Variants in DNER observed in about 807,000 individuals in gnomAD.
The protein encoded by DNER is delta and Notch-like epidermal growth factor-related receptor.
DNER carries 33 observed loss-of-function variants against 78.2 expected under a neutral mutation model. That is an observed-to-expected ratio of 0.42 (90% CI 0.32 to 0.56). DNER has a LOEUF of 0.56. Ranked by LOEUF, DNER falls within the 20% of genes least tolerant of loss-of-function variation. The pLI, the probability that DNER is intolerant of heterozygous loss-of-function variation, is 0.11. For synonymous variants in DNER, 417 were observed against 384.8 expected (o/e 1.08, Z -0.98); for missense variants, 918 against 975.3 (o/e 0.94, Z 0.78).
At chr2:229,668,378 T>C (rs1699131512) in intron 1 of DNER, among the ~76,000 whole-genome samples, 1 of 148,498 alleles carries the variant, frequency 6.7e-6, no homozygotes, top group South Asian at 2.1e-4. Flanking sequence ...CAGCAGCTCC[T>C]AATATTTTGA....
intron 8 of DNER, among the ~76,000 whole-genome samples, chr2:229,418,554 A>T (rs1446704649): frequency 1.3e-5 from 2 of 152,156 alleles, no homozygotes; most frequent in African/African-American, 2.4e-5. Flanking sequence ...TGCTGTGGCC[A>T]TCAGAGATAG....
At chr2:229,387,501 A>AAGAG (rs1353935134) in intron 11 of DNER, among the ~76,000 whole-genome samples, 33 of 97,380 alleles carry the variant, frequency 3.4e-4, no homozygotes, top group East Asian at 2.9e-3. Context: ...GAAAGAAAGA[A>AAGAG]AGAAAGAGAG....
intron 6 of DNER, among the ~76,000 whole-genome samples, chr2:229,481,815 T>C (rs1695164026): frequency 6.6e-6 from 1 of 152,216 alleles, no homozygotes; most frequent in Admixed American, 6.5e-5. Context: ...CAAGCAAGAC[T>C]GATGGTATCG....
chr2:229,380,087 C>G (rs2106331944), intron 11 of DNER, among the ~76,000 whole-genome samples: 1 of 152,218 alleles, frequency 6.6e-6, no homozygotes, highest in East Asian at 1.9e-4. Context: ...AAATCATATC[C>G]TCAGCCTCTT....
At chr2:229,379,442 C>T (rs988807929) in intron 11 of DNER, among the ~76,000 whole-genome samples, 1 of 152,096 alleles carries the variant, frequency 6.6e-6, no homozygotes, top group African/African-American at 2.4e-5. Context: ...AATCTGAAGT[C>T]GACTTTGATC....
At chr2:229,473,562 T>C (rs1694969745) in intron 7 of DNER, among the ~76,000 whole-genome samples, 1 of 152,090 alleles carries the variant, frequency 6.6e-6, no homozygotes, top group African/African-American at 2.4e-5. Context: ...GTCAAATTAG[T>C]TAGTAGACAT....
chr2:229,370,074 G>A (rs1434446910), intron 11 of DNER, among the ~76,000 whole-genome samples: 4 of 152,120 alleles, frequency 2.6e-5, no homozygotes, highest in African/African-American at 9.7e-5. Flanking sequence ...AGTATTTGTG[G>A]CCTCTGGATA....
intron 1 of DNER, among the ~76,000 whole-genome samples, chr2:229,668,402 C>T (rs561181056): frequency 1.6e-3 from 201 of 123,422 alleles, no homozygotes; most frequent in Admixed American, 2.5e-3. Flanking sequence ...AGAAAGAATA[C>T]ACATAAAATA....
In DNER at chr2:229,586,006, A is replaced by G. The variant is rs764930545; in HGVS notation, c.699T>C (p.Thr233=). The G allele has an allele frequency of 1.9e-6, 3 of 1,611,952 alleles. No individual in the cohort carries two copies. The highest frequency in any genetic ancestry group is 2.2e-5 in the East Asian group (1 of 44,842). The change falls in exon 4 of 13, where the codon ACT becomes ACC. Residue 233 remains threonine, a synonymous_variant. Coordinates refer to ENST00000341772, the MANE Select transcript of DNER (RefSeq NM_139072.4). The part of the protein sequence containing the change: ...NTSVKIRQDA[T]ASLILLWKVT... ...CCTTCCAGAGCAAAATCAGTGAGGC[A>G]GTGGCATCTTGCCGAATCCTGGAAA...
At chr2:229,596,471 C>T (rs1221783102) in intron 1 of DNER, among the ~76,000 whole-genome samples, 2 of 152,220 alleles carry the variant, frequency 1.3e-5, no homozygotes, top group African/African-American at 2.4e-5. Flanking sequence ...AGTACAGACC[C>T]ACTTCACAGG....
intron 4 of DNER, among the ~76,000 whole-genome samples, chr2:229,550,750 G>A (rs954913682): frequency 4.6e-5 from 7 of 152,040 alleles, no homozygotes; most frequent in Non-Finnish European, 8.8e-5. Flanking sequence ...GCTCCAGTCT[G>A]GCGACAGAGC....
At chr2:229,603,519 G>C (rs1340611383) in intron 1 of DNER, among the ~76,000 whole-genome samples, 1 of 152,144 alleles carries the variant, frequency 6.6e-6, no homozygotes. Flanking sequence ...TATACAACAA[G>C]TAGAACAAAT....
At chr2:229,520,792 T>G (rs896204132) in intron 5 of DNER, among the ~76,000 whole-genome samples, 2 of 152,182 alleles carry the variant, frequency 1.3e-5, no homozygotes, top group African/African-American at 4.8e-5. Context: ...AGTCCCCACA[T>G]ATGAAGTCCC....
chr2:229,452,820 G>T (rs1162848568), intron 7 of DNER, among the ~76,000 whole-genome samples: 1 of 151,942 alleles, frequency 6.6e-6, no homozygotes, highest in Non-Finnish European at 1.5e-5. Flanking sequence ...TAGAGACGGG[G>T]TTTCACCATG....
At chr2:229,512,738 G>A in intron 6 of DNER, 45 bp downstream of exon 6, 1 of 1,607,670 alleles carries the variant, frequency 6.2e-7, no homozygotes, top group Non-Finnish European at 8.5e-7. Flanking sequence ...GGTGCATGCT[G>A]TACAGACATA....
chr2:229,591,915 T>C lies in DNER; in HGVS notation c.277-27A>G. ...TGAAACGAGACCATAAATGGGTCAA[T>C]TATTCCCTCATAAGAAAAGTGGTGC... On this transcript the variant is annotated intron_variant, in intron 1 of 12. Coordinates refer to ENST00000341772, the MANE Select transcript of DNER (RefSeq NM_139072.4). This position sits in a 1 kb window ranked among gnomAD's most constrained non-coding sequence, Gnocchi z 4.6. The C allele has an allele frequency of 6.8e-7, 1 of 1,480,238 alleles. No homozygotes were observed. Among genetic ancestry groups the C allele is most frequent in the Non-Finnish European group, 8.9e-7 (1 of 1,118,372 alleles). The allele number at this position is 1,480,238 out of a possible 1,614,324, so 91.7% of individuals were successfully genotyped here. A position where few individuals can be genotyped will look rare whatever the true frequency, so the allele number is the denominator to read the frequency against.
At chr2:229,571,434 C>T (rs892585741) in intron 4 of DNER, among the ~76,000 whole-genome samples, 1 of 152,050 alleles carries the variant, frequency 6.6e-6, no homozygotes, top group African/African-American at 2.4e-5. Context: ...TTGGCTGGCT[C>T]ACTTTCTCCT....
At position 229,358,371 on chromosome 2, in the gene DNER, T is replaced by C. The variant is rs1311034720; in HGVS notation, c.*169A>G. 5.3e-6 allele frequency: 3 copies of C among 561,786 alleles called. No homozygotes were observed. Among genetic ancestry groups the C allele is most frequent in the Admixed American group, 7.0e-5 (2 of 28,518 alleles). 34.8% of individuals were successfully genotyped at this position (561,786 alleles called of 1,614,324 possible). Reference sequence around the variant, plus strand: ...TCGTCTATAGGTTTCACAAATTTTGTTTTTAAAATATTTTTTCCAAACTAA... The same window carrying C: ...TCGTCTATAGGTTTCACAAATTTTGCTTTTAAAATATTTTTTCCAAACTAA... On this transcript the variant is annotated 3_prime_UTR_variant, in exon 13 of 13. Coordinates refer to ENST00000341772, the MANE Select transcript of DNER (RefSeq NM_139072.4).
intron 8 of DNER, among the ~76,000 whole-genome samples, chr2:229,440,127 T>G (rs1465935029): frequency 1.3e-5 from 2 of 152,154 alleles, no homozygotes; most frequent in Non-Finnish European, 1.5e-5. Flanking sequence ...TCATAAAAAT[T>G]TCATGCTCCA....
Sources: allele counts gnomAD v4.1 joint callset (sites outside exome capture counted in the v4.1 genomes callset), GRCh38; gene constraint gnomAD v4.1.1; non-coding constraint Gnocchi (gnomAD v3.1); transcripts MANE v1.5; gene names NCBI Gene and HGNC (gene_info 2026-07-23, HGNC 2026-07-21).